The following MAPKAP1 variants were observed in gnomAD, a reference collection of about 807,000 sequenced individuals.
MAPKAP1 encodes MAPK associated protein 1.
A neutral mutation model predicts 65.7 loss-of-function variants in MAPKAP1; 20 were observed. That is an observed-to-expected ratio of 0.30 (90% CI 0.21 to 0.44). The LOEUF (loss-of-function observed/expected upper bound fraction) is 0.44. Ranked by LOEUF, MAPKAP1 falls within the 20% of genes least tolerant of loss-of-function variation. MAPKAP1 has a pLI of 1.00. For missense variants in MAPKAP1, 423 were observed against 648.0 expected (o/e 0.65, Z 3.77); for synonymous variants, 222 against 244.3 (o/e 0.91, Z 0.85).
chr9:125,650,075 C>T (rs898976422), intron 4 of MAPKAP1, among the ~76,000 whole-genome samples: 1 of 152,172 alleles, frequency 6.6e-6, no homozygotes, highest in African/African-American at 2.4e-5. Context: ...TCTCTGCATA[C>T]ATCATCAAAT....
At chr9:125,666,098 T>C (rs899788073) in intron 3 of MAPKAP1, among the ~76,000 whole-genome samples, 2 of 152,240 alleles carry the variant, frequency 1.3e-5, no homozygotes, top group Non-Finnish European at 2.9e-5. Context: ...AATAATAAAA[T>C]TAAAGATATT....
intron 4 of MAPKAP1, among the ~76,000 whole-genome samples, chr9:125,608,926 A>T (rs886855636): frequency 6.6e-6 from 1 of 152,236 alleles, no homozygotes; most frequent in Non-Finnish European, 1.5e-5. Context: ...AAAAAAATAG[A>T]GAGCAAAAGG....
chr9:125,591,331 C>T (rs1032894242), intron 4 of MAPKAP1, among the ~76,000 whole-genome samples: 5 of 152,148 alleles, frequency 3.3e-5, no homozygotes, highest in Admixed American at 6.5e-5. Context: ...AGGAGCTGCT[C>T]GAGGAGAGCA....
chr9:125,506,522 G>T, intron 7 of MAPKAP1, 105 bp from the exon 8 acceptor site: 1 of 949,002 alleles, frequency 1.1e-6, no homozygotes, highest in Non-Finnish European at 1.7e-6. Context: ...CCTTAGTAAA[G>T]TGTTAAAGTC....
At chr9:125,691,088 C>T (rs996265143) in intron 1 of MAPKAP1, among the ~76,000 whole-genome samples, 11 of 152,048 alleles carry the variant, frequency 7.2e-5, no homozygotes, top group African/African-American at 2.2e-4. Flanking sequence ...GGTGAAACCC[C>T]GTCTCTACTA....
At chr9:125,494,718 C>A (rs1284252898) in intron 8 of MAPKAP1, among the ~76,000 whole-genome samples, 1 of 152,194 alleles carries the variant, frequency 6.6e-6, no homozygotes, top group African/African-American at 2.4e-5. Flanking sequence ...CATCTCAAAG[C>A]CTTCAGATGA....
At chr9:125,458,979 G>A (rs1380813917) in intron 10 of MAPKAP1, among the ~76,000 whole-genome samples, 75 of 96,402 alleles carry the variant, frequency 7.8e-4, no homozygotes, top group Non-Finnish European at 9.5e-4. Context: ...CTTCCCAGAC[G>A]GGGTGGCTGC....
At chr9:125,591,609 A>G (rs1831966952) in intron 4 of MAPKAP1, among the ~76,000 whole-genome samples, 1 of 152,206 alleles carries the variant, frequency 6.6e-6, no homozygotes, top group Non-Finnish European at 1.5e-5. Flanking sequence ...TTCTAATTCC[A>G]TCTTGAGGAA....
chr9:125,523,036 C>T (rs1829664374), intron 7 of MAPKAP1, among the ~76,000 whole-genome samples: 1 of 152,238 alleles, frequency 6.6e-6, no homozygotes, highest in African/African-American at 2.4e-5. Context: ...GGCCTCCTTC[C>T]TTTCCCCACA....
chr9:125,642,411 G>C (rs1012218137), intron 4 of MAPKAP1, among the ~76,000 whole-genome samples: 2 of 152,216 alleles, frequency 1.3e-5, no homozygotes, highest in South Asian at 4.1e-4. Flanking sequence ...GCTATGGGCT[G>C]GTAAGATCCT....
intron 7 of MAPKAP1, among the ~76,000 whole-genome samples, chr9:125,524,795 CT>C (rs891017485): frequency 3.3e-5 from 5 of 152,252 alleles, no homozygotes; most frequent in Non-Finnish European, 7.3e-5. Context: ...CATTTCCTCT[CT>C]GCTAATGTCA....
At chr9:125,559,576 C>G in intron 6 of MAPKAP1, 57 bp downstream of exon 6, 1 of 1,518,108 alleles carries the variant, frequency 6.6e-7, no homozygotes, top group Non-Finnish European at 8.9e-7. Context: ...AAATCAGATC[C>G]AAAATGCTAG....
At chr9:125,575,124 G>A (rs374267198) in intron 5 of MAPKAP1, among the ~76,000 whole-genome samples, 18 of 152,192 alleles carry the variant, frequency 1.2e-4, no homozygotes, top group African/African-American at 4.1e-4. Flanking sequence ...GACTGAGGCA[G>A]GATGATTGCT....
chr9:125,644,255 C>A (rs76991113), intron 4 of MAPKAP1, among the ~76,000 whole-genome samples: 1 of 152,076 alleles, frequency 6.6e-6, no homozygotes, highest in Non-Finnish European at 1.5e-5. Context: ...AGACAACCTA[C>A]GTTAGCCCAT....
At chr9:125,577,204 G>A (rs1408727740) in intron 5 of MAPKAP1, among the ~76,000 whole-genome samples, 2 of 151,546 alleles carry the variant, frequency 1.3e-5, no homozygotes, top group East Asian at 2.0e-4. Context: ...GTCTCTGCCC[G>A]GCTGCCCCGT....
chr9:125,687,613 CAA>C (rs5900669), intron 1 of MAPKAP1, among the ~76,000 whole-genome samples: 4 of 129,548 alleles, frequency 3.1e-5, no homozygotes, highest in African/African-American at 2.9e-5. Context: ...CCCACCTATA[CAA>C]AAAAAAAAAA....
intron 9 of MAPKAP1, among the ~76,000 whole-genome samples, chr9:125,476,606 G>C (rs1298378184): frequency 2.0e-5 from 3 of 152,162 alleles, no homozygotes; most frequent in Admixed American, 2.0e-4. Flanking sequence ...ACCATGTTTA[G>C]CCTGAGAGTG....
At chr9:125,480,695 G>A (rs72767096) in intron 9 of MAPKAP1, among the ~76,000 whole-genome samples, 7,691 of 151,138 alleles carry the variant, frequency 0.051, 505 homozygotes, top group East Asian at 0.21. Context: ...TCTATGGGCC[G>A]GGCGCGGTGG....
intron 4 of MAPKAP1, among the ~76,000 whole-genome samples, chr9:125,594,196 C>A (rs187797932): frequency 5.6e-4 from 85 of 152,314 alleles, no homozygotes; most frequent in African/African-American, 1.7e-3. Context: ...AAATCCTTCC[C>A]CTCCAAATCT....
Sources: gnomAD v4.1 joint callset for allele counts (sites outside exome capture counted in the v4.1 genomes callset) on GRCh38, gnomAD v4.1.1 for gene constraint, MANE v1.5 for transcripts, NCBI Gene and HGNC (gene_info 2026-07-23, HGNC 2026-07-21) for gene names.